GIGYF2: variants seen among roughly 807,000 people sequenced by gnomAD.
The protein encoded by GIGYF2 is GRB10-interacting GYF protein 2.
A neutral mutation model predicts 208.1 loss-of-function variants in GIGYF2; 25 were observed. That is an observed-to-expected ratio of 0.12 (90% CI 0.09 to 0.17). The LOEUF (loss-of-function observed/expected upper bound fraction) is 0.17, where lower values mean the gene tolerates loss of function less well. GIGYF2 is among the 10% of genes least tolerant of loss of function. GIGYF2 has a pLI of 1.00. For missense variants in GIGYF2, 1,302 were observed against 1,579.4 expected, an observed-to-expected ratio of 0.82 and a Z score of 2.98; for synonymous variants, 534 against 543.8, an observed-to-expected ratio of 0.98 and a Z score of 0.25.
chr2:232,844,374 C>G lies in GIGYF2; in HGVS notation c.3105C>G (p.Ser1035=). ...TTTCTCTTTTTCTTTAACAGCATTC[C>G]AACCTGCACACCAGCATTGGGAATT... The part of the protein sequence containing the change: ...QPNRARNNTH[S]NLHTSIGNSV... Residue 1035 remains serine, a synonymous_variant, in exon 25 of 29, where the codon TCC becomes TCG. Transcript: ENST00000373563. 1 of 1,613,190 alleles carries G rather than the reference C, an allele frequency of 6.2e-7. No homozygotes were observed. Among genetic ancestry groups the G allele is most frequent in the Non-Finnish European group, 8.5e-7 (1 of 1,179,174 alleles).
chr2:232,812,540 A>G (rs1375407438), intron 18 of GIGYF2, 49 bp downstream of exon 18: 2 of 775,120 alleles, frequency 2.6e-6, no homozygotes, highest in East Asian at 2.5e-5. Flanking sequence ...TTCAGAGTCT[A>G]ATAATAATTT....
At chr2:232,735,603 G>A (rs1181850669) in intron 3 of GIGYF2, 1 of 511,542 alleles carries the variant, frequency 2.0e-6, no homozygotes, top group Non-Finnish European at 2.6e-6. Context: ...TATCATTGCT[G>A]TTCATAGATT....
intron 21 of GIGYF2, 52 bp from the exon 22 acceptor site, chr2:232,832,805 T>C (rs918784067): frequency 1.4e-5 from 19 of 1,341,524 alleles, no homozygotes; most frequent in East Asian, 7.5e-5. Context: ...GTCAGATTTT[T>C]CCCCCCACAA....
intron 2 of GIGYF2, among the ~76,000 whole-genome samples, chr2:232,706,478 T>C (rs1386019780): frequency 6.6e-6 from 1 of 151,996 alleles, no homozygotes; most frequent in Non-Finnish European, 1.5e-5. Context: ...CATGTCTCTA[T>C]GAAAATAAAA....
At chr2:232,756,096 T>G (rs767113861) in intron 5 of GIGYF2, 127 bp from the exon 6 acceptor site, 6 of 625,610 alleles carry the variant, frequency 9.6e-6, no homozygotes, top group Non-Finnish European at 1.7e-5. Flanking sequence ...TTGCTAGTAG[T>G]AATTAGATGC....
chr2:232,836,411 A>AATATATATATATATAT (rs1438244685), intron 22 of GIGYF2, among the ~76,000 whole-genome samples: 2 of 116,540 alleles, frequency 1.7e-5, no homozygotes, highest in East Asian at 2.1e-4. Context: ...TATATATATA[A>AATATATATATATATAT]ATAAATTATT....
chr2:232,724,207 A>C (rs1220102031), intron 2 of GIGYF2, among the ~76,000 whole-genome samples: 1 of 114,228 alleles, frequency 8.8e-6, no homozygotes, highest in African/African-American at 3.6e-5. Flanking sequence ...ACACCTGGCT[A>C]TTTTTTTTTT....
intron 6 of GIGYF2, chr2:232,760,057 A>G (rs1390269483): frequency 5.9e-6 from 1 of 168,722 alleles, no homozygotes; most frequent in Non-Finnish European, 1.3e-5. Context: ...TTTAACTTTT[A>G]TGCTTGACTT....
intron 23 of GIGYF2, 130 bp downstream of exon 23, chr2:232,840,101 T>G: frequency 1.0e-6 from 1 of 983,278 alleles, no homozygotes; most frequent in Admixed American, 2.0e-5. Context: ...CGTTCATTAT[T>G]AAACTTCAGC....
At chr2:232,719,367 T>C (rs956281974) in intron 2 of GIGYF2, among the ~76,000 whole-genome samples, 1 of 152,168 alleles carries the variant, frequency 6.6e-6, no homozygotes, top group Non-Finnish European at 1.5e-5. Flanking sequence ...ACTTACTACG[T>C]AGATTTGTCA....
At position 232,717,081 on chromosome 2, in the gene GIGYF2, T is replaced by C. The variant is rs973168376; in HGVS notation, c.-44+13592T>C. 2.0e-5 allele frequency among the ~76,000 whole-genome samples: 3 copies of C among 152,088 alleles called. No individual in the cohort carries two copies. The East Asian group carries it at 5.8e-4, about 30-fold the overall frequency. On this transcript the variant is annotated intron_variant, in intron 2 of 28. Coordinates refer to ENST00000373563, the MANE Select transcript of GIGYF2 (RefSeq NM_001103146.3). ...CAGCTGCCTCGGCTTCCCAAAGTCC[T>C]GGGATTACAGGCGTGAGCCACCATA...
rs775243555 is a variant in GIGYF2 at position 232,806,697 on chromosome 2, C to T, written c.1806+40C>T. ...CCTCACCTGGAATACATATTAGTCA[C>T]GGAAACACTTGATTCTCTTTGAAAA... is the stretch of plus-strand genomic sequence containing the variant. On this transcript the variant is annotated intron_variant, in intron 15 of 28. Coordinates refer to ENST00000373563, the MANE Select transcript of GIGYF2 (RefSeq NM_001103146.3). The surrounding 1 kb of genome is among the most constrained non-coding windows in gnomAD (Gnocchi z 4.0). The T allele has an allele frequency of 1.3e-5, 17 of 1,358,652 alleles. No homozygotes were observed. The highest frequency in any genetic ancestry group is 3.6e-4 in the Middle Eastern group (2 of 5,558). The allele number at this position is 1,358,652 out of a possible 1,614,324, so 84.2% of individuals were successfully genotyped here. A position where few individuals can be genotyped will look rare whatever the true frequency, so the allele number is the denominator to read the frequency against.
intron 2 of GIGYF2, chr2:232,724,739 G>C (rs1697121348): frequency 6.6e-6 from 1 of 151,984 alleles, no homozygotes; most frequent in African/African-American, 2.4e-5. Flanking sequence ...TTTTTGTAGA[G>C]ATGAGCTCTC....
At chr2:232,805,655 C>T (rs78814713) in intron 14 of GIGYF2, among the ~76,000 whole-genome samples, 2,720 of 152,102 alleles carry the variant, frequency 0.018, 87 homozygotes, top group African/African-American at 0.062. Flanking sequence ...GTGATATATG[C>T]GATAAAAAGA....
At chr2:232,705,188 C>G (rs1285346743) in intron 2 of GIGYF2, among the ~76,000 whole-genome samples, 2 of 151,898 alleles carry the variant, frequency 1.3e-5, no homozygotes, top group Admixed American at 6.6e-5. Flanking sequence ...TAGTATTAAG[C>G]TACACTTGAG....
intron 3 of GIGYF2, among the ~76,000 whole-genome samples, chr2:232,739,368 C>CA (rs966653844): frequency 7.4e-6 from 1 of 135,720 alleles, no homozygotes; most frequent in African/African-American, 2.8e-5. Context: ...CAAACCCCCC[C>CA]CCCCCCGCAA....
intron 9 of GIGYF2, among the ~76,000 whole-genome samples, chr2:232,787,731 G>C (rs113223856): frequency 0.018 from 2,746 of 152,224 alleles, 89 homozygotes; most frequent in African/African-American, 0.062. Flanking sequence ...TAACAAGAAA[G>C]GGTTTATTCT....
At chr2:232,739,374 C>CCA (rs1491502920) in intron 3 of GIGYF2, among the ~76,000 whole-genome samples, 1 of 109,810 alleles carries the variant, frequency 9.1e-6, no homozygotes, top group Admixed American at 8.8e-5. Context: ...CCCCCCCCCC[C>CCA]GCAAAAAAAA....
At chr2:232,781,083 G>C (rs1699700241) in intron 8 of GIGYF2, among the ~76,000 whole-genome samples, 3 of 152,014 alleles carry the variant, frequency 2.0e-5, no homozygotes, top group African/African-American at 7.2e-5. Context: ...TCAGCCTCCT[G>C]AGTAGCTGGG....
Sources: gnomAD v4.1 joint callset for allele counts (sites outside exome capture counted in the v4.1 genomes callset) on GRCh38, gnomAD v4.1.1 for gene constraint, Gnocchi (gnomAD v3.1) non-coding constraint, MANE v1.5 for transcripts, NCBI Gene and HGNC (gene_info 2026-07-23, HGNC 2026-07-21) for gene names.